ZNF518B: variants seen among roughly 807,000 people sequenced by gnomAD.
ZNF518B encodes the protein zinc finger protein 518B.
A neutral mutation model predicts 56.3 loss-of-function variants in ZNF518B; 23 were observed. That is an observed-to-expected ratio of 0.41 (90% confidence interval 0.29 to 0.58). The LOEUF (loss-of-function observed/expected upper bound fraction) is 0.58. Ranked by LOEUF, ZNF518B falls within the 20% of genes least tolerant of loss-of-function variation. The probability of loss-of-function intolerance (pLI) is 0.32; values close to 1 mark genes in which losing one functional copy is unlikely to be tolerated. For missense variants in ZNF518B, 1,460 were observed against 1,272.1 expected, an observed-to-expected ratio of 1.15 and a Z score of -2.25; for synonymous variants, 529 against 465.9, an observed-to-expected ratio of 1.14 and a Z score of -1.74.
At position 10,442,868 on chromosome 4, in the gene ZNF518B, T is replaced by C. The variant is rs1714743993; in HGVS notation, c.*236A>G. ...AATCTGTTCAGTTTCACAGGCTCTC[T>C]CCAGAAAAATGCATATGTACCAATT... On this transcript the variant is annotated 3_prime_UTR_variant, in exon 3 of 3. Coordinates refer to ENST00000326756, the MANE Select transcript of ZNF518B (RefSeq NM_053042.3). 2.1e-6 allele frequency: 1 copy of C among 471,388 alleles called. No homozygotes were observed. The highest frequency in any genetic ancestry group is 1.9e-5 in the African/African-American group (1 of 51,794). 29.2% of individuals were successfully genotyped at this position (471,388 alleles called of 1,614,324 possible).
rs768457578 is a variant in ZNF518B at position 10,443,824 on chromosome 4, CA to C, written c.2504del (p.Met835SerfsTer13). 1 of 1,614,188 alleles carries C rather than the reference CA, an allele frequency of 6.2e-7. No individual in the cohort carries two copies. Among genetic ancestry groups the C allele is most frequent in the Admixed American group, 1.7e-5 (1 of 60,014 alleles). The stretch of plus-strand genomic sequence containing the variant: ...GCAGAGGTGTCTCGATATTTGGGGA[CA>C]TATCTATTGGCCCCCTTTCACTTCT... ...PLRSERGPID[M>X]SPNIETPLRP... On this transcript the variant is annotated frameshift_variant, in exon 3 of 3. Coordinates refer to ENST00000326756, the MANE Select transcript of ZNF518B (RefSeq NM_053042.3). LOFTEE classifies it high-confidence loss of function.
intron 1 of ZNF518B, among the ~76,000 whole-genome samples, chr4:10,456,787 C>T (rs1156276158): frequency 6.6e-6 from 1 of 152,150 alleles, no homozygotes; most frequent in Non-Finnish European, 1.5e-5. Context: ...CTCCGAGGCC[C>T]GCAGGAGGCT....
Position 10,443,047 on chromosome 4 carries a change from G to A in ZNF518B, c.*57C>T. The A allele has an allele frequency of 1.4e-6, 2 of 1,449,182 alleles. No individual in the cohort carries two copies. The highest frequency in any genetic ancestry group is 1.9e-6 in the Non-Finnish European group (2 of 1,069,198). The allele number at this position is 1,449,182 out of a possible 1,614,324, so 89.8% of individuals were successfully genotyped here. A position where few individuals can be genotyped will look rare whatever the true frequency, so the allele number is the denominator to read the frequency against. ...ATTTCTTCTACTGAATCTTGGTGGAGGGACTCCAAACCAGAATAAACTAAA... is the reference window on the plus strand; with the variant it reads ...ATTTCTTCTACTGAATCTTGGTGGAAGGACTCCAAACCAGAATAAACTAAA... On this transcript the variant is annotated 3_prime_UTR_variant, in exon 3 of 3. Coordinates refer to ENST00000326756, the MANE Select transcript of ZNF518B (RefSeq NM_053042.3).
At position 10,444,255 on chromosome 4, in the gene ZNF518B, C is replaced by G; in HGVS notation, c.2074G>C (p.Val692Leu). The G allele has an allele frequency of 1.2e-6, 2 of 1,614,206 alleles. No homozygotes were observed. The highest frequency in any genetic ancestry group is 3.3e-5 in the Admixed American group (2 of 60,026). The change falls in exon 3 of 3, where the codon GTA becomes CTA. Residue 692 changes from valine (V) to leucine (L), a missense_variant. Transcript: ENST00000326756. ...LASNSAHRRS[V>L]GQASKGTSKA... ...GAAGTTCCCTTTGATGCCTGCCCTA[C>G]AGAGCGACGATGTGCACTATTTGAA...
At position 10,444,496 on chromosome 4, in the gene ZNF518B, A is replaced by G. The variant is rs1437826386; in HGVS notation, c.1833T>C (p.Pro611=). Residue 611 remains proline (P), a synonymous_variant, in exon 3 of 3, where the codon CCT becomes CCC. Coordinates refer to ENST00000326756, the MANE Select transcript of ZNF518B (RefSeq NM_053042.3). ...TCTTTAATTCCAAAGGCTTATCCCC[A>G]GGCTGTTGAGATCTATCTTCTCCAG... The part of the protein sequence containing the change: ...NITGEDRSQQ[P]GDKPLELKNS... The G allele has an allele frequency of 6.2e-7, 1 of 1,614,164 alleles. No individual in the cohort carries two copies. Among genetic ancestry groups the G allele is most frequent in the African/African-American group, 1.3e-5 (1 of 75,060 alleles).
chr4:10,457,173 ACGCGGGGC>A (rs1482677780), intron 1 of ZNF518B, 136 bp downstream of exon 1: 1 of 148,790 alleles, frequency 6.7e-6, no homozygotes, highest in Admixed American at 6.7e-5. Flanking sequence ...CAGCGCGGGC[ACGCGGGGC>A]CGCGGCCGCT....
In ZNF518B at chr4:10,446,178, C is replaced by A; in HGVS notation, c.151G>T (p.Glu51Ter). 1 of 1,614,212 alleles carries A rather than the reference C, an allele frequency of 6.2e-7. No homozygotes were observed. The highest frequency in any genetic ancestry group is 1.3e-5 in the African/African-American group (1 of 75,062). ...GTAGCAATGGTCATCATGGCAGCCT[C>A]TGCCTCTGAGCCTTGATACAAAAGG... is the stretch of plus-strand genomic sequence containing the variant. Reference protein sequence around the residue: ...QTLLYQGSEAEAAMMTIATCA... With the variant: ...QTLLYQGSEA Residue 51 changes from glutamate to a stop codon, truncating the protein, a stop_gained, in exon 3 of 3, where the codon GAG becomes TAG. Coordinates refer to ENST00000326756, the MANE Select transcript of ZNF518B (RefSeq NM_053042.3). LOFTEE classifies it low-confidence loss of function (END_TRUNC).
chr4:10,444,596 T>C lies in ZNF518B; in HGVS notation c.1733A>G (p.Glu578Gly), dbSNP rs1306105737. 3.1e-6 allele frequency: 5 copies of C among 1,614,086 alleles called. No individual in the cohort carries two copies. The highest frequency in any genetic ancestry group is 4.2e-6 in the Non-Finnish European group (5 of 1,180,038). ...TACAGTTGAAACTGCCTTGTGTTCC[T>C]CTGTCTGGTTATCTTCCTGCTTCCT... ...SNRKQEDNQT[E>G]EHKAVSTVGQ... is the part of the protein sequence containing the mutation. The change falls in exon 3 of 3, where the codon GAG (glutamate) becomes GGG (glycine). Residue 578 changes from glutamate to glycine, a missense_variant. Transcript: ENST00000326756.
Position 10,443,538 on chromosome 4 carries a change from C to G in ZNF518B, c.2791G>C (p.Asp931His), listed in dbSNP as rs753297528. 6 of 1,614,020 alleles carry G rather than the reference C, an allele frequency of 3.7e-6. No individual in the cohort carries two copies. The highest frequency in any genetic ancestry group is 1.3e-5 in the African/African-American group (1 of 75,058). Residue 931 changes from aspartate to histidine, a missense_variant, in exon 3 of 3, where the codon GAT becomes CAT. Physicochemically the swap from Asp to His is moderately conservative, Grantham distance 81 (BLOSUM62 -1). Transcript: ENST00000326756. ...RQLRLIAAKP[D>H]QLIKCPRRNQ... ...CGACGGGGACACTTAATCAACTGAT[C>G]TGGCTTAGCTGCTATCAGTCTTAGT... is the stretch of plus-strand genomic sequence containing the variant.
intron 2 of ZNF518B, among the ~76,000 whole-genome samples, chr4:10,450,433 G>A (rs1328096809): frequency 6.6e-6 from 1 of 152,204 alleles, no homozygotes; most frequent in Admixed American, 6.5e-5. Context: ...TCTAGTAACA[G>A]AGGGAAATGC....
rs886864692 is a variant in ZNF518B, at chr4:10,441,418, G to T, written c.*1686C>A. Reference sequence around the variant, plus strand: ...CAAAGGATTGCAATTCCATCTACTGGAATCTAAGACTTTCCCATGTGAAAA... The same window carrying T: ...CAAAGGATTGCAATTCCATCTACTGTAATCTAAGACTTTCCCATGTGAAAA... On this transcript the variant is annotated 3_prime_UTR_variant, in exon 3 of 3. Transcript: ENST00000326756. The T allele has an allele frequency of 5.1e-5, 7 of 137,758 alleles. No homozygotes were observed. Among genetic ancestry groups the T allele is most frequent in the Non-Finnish European group, 1.1e-4 (7 of 65,530 alleles). The allele number at this position is 137,758 out of a possible 1,614,324, so 8.5% of individuals were successfully genotyped here.
chr4:10,451,521 T>C lies in ZNF518B; in HGVS notation c.-212+3284A>G, dbSNP rs371184425. ...AGAGTTACTGTGAGGATTAAATGAC[T>C]GACATATCATAACCTGTTAAAAATA... is the stretch of plus-strand genomic sequence containing the variant. On this transcript the variant is annotated intron_variant, in intron 2 of 2. Coordinates refer to ENST00000326756, the MANE Select transcript of ZNF518B (RefSeq NM_053042.3). The C allele has an allele frequency of 1.6e-4, 24 of 152,306 alleles. No homozygotes were observed. The South Asian group carries it at 1.7e-3, about 11-fold the overall frequency. 9.4% of individuals were successfully genotyped at this position (152,306 alleles called of 1,614,324 possible).
chr4:10,455,898 C>T (rs1443824372), intron 1 of ZNF518B, among the ~76,000 whole-genome samples: 4 of 152,190 alleles, frequency 2.6e-5, no homozygotes, highest in African/African-American at 9.7e-5. Flanking sequence ...CTCAAAGAGA[C>T]AACAGTATAT....
intron 2 of ZNF518B, chr4:10,452,444 T>G (rs1185146961): frequency 6.6e-6 from 1 of 152,106 alleles, no homozygotes; most frequent in Non-Finnish European, 1.5e-5. Flanking sequence ...TAACCAAATT[T>G]TTAAAACAAT....
chr4:10,460,976 C>A (rs2109002159), upstream of ZNF518B, among the ~76,000 whole-genome samples: 1 of 152,284 alleles, frequency 6.6e-6, no homozygotes, highest in African/African-American at 2.4e-5. Flanking sequence ...CTTCCTTGAG[C>A]CACAGTTTGC....
upstream of ZNF518B, among the ~76,000 whole-genome samples, chr4:10,457,920 C>G (rs1577230520): frequency 6.6e-6 from 1 of 152,160 alleles, no homozygotes; most frequent in East Asian, 1.9e-4. Flanking sequence ...CGAGAAAGTC[C>G]CCTGACCTCT....
chr4:10,454,768 T>TA (rs1309659100), intron 2 of ZNF518B, 37 bp downstream of exon 2: 1 of 152,274 alleles, frequency 6.6e-6, no homozygotes, highest in Non-Finnish European at 1.5e-5. Context: ...AATGAAGCCA[T>TA]AGTCAGTATC....
chr4:10,460,177 C>T (rs1010287517), upstream of ZNF518B, among the ~76,000 whole-genome samples: 21 of 151,434 alleles, frequency 1.4e-4, no homozygotes, highest in Non-Finnish European at 2.8e-4. Flanking sequence ...TGGTGGCGGG[C>T]GCCTGTAATC....
rs1715594933 is a variant in ZNF518B, at chr4:10,457,405, C to T, written c.-484G>A. 1 of 152,036 alleles carries T rather than the reference C, an allele frequency of 6.6e-6. No homozygotes were observed. The highest frequency in any genetic ancestry group is 2.1e-4 in the South Asian group (1 of 4,830). 9.4% of individuals were successfully genotyped at this position (152,036 alleles called of 1,614,324 possible). On this transcript the variant is annotated 5_prime_UTR_variant, in exon 1 of 3. Coordinates refer to ENST00000326756, the MANE Select transcript of ZNF518B (RefSeq NM_053042.3). ...CGCCGGCGCCGCGCCCGCTGTAGGT[C>T]CCTACCCGGGGGGCGGAGCCCGCGC... is the stretch of plus-strand genomic sequence containing the variant.
Sources: gnomAD v4.1 joint callset for allele counts (sites outside exome capture counted in the v4.1 genomes callset) on GRCh38, gnomAD v4.1.1 for gene constraint, MANE v1.5 for transcripts, NCBI Gene and HGNC (gene_info 2026-07-23, HGNC 2026-07-21) for gene names.